MARCHF1: variants seen among roughly 807,000 people sequenced by gnomAD.
The protein encoded by MARCHF1 is E3 ubiquitin-protein ligase MARCHF1.
MARCHF1 carries 40 observed loss-of-function variants against 54.2 expected under a neutral mutation model. The observed-to-expected ratio is 0.74, with a 90% CI of 0.57 to 0.96. The LOEUF is 0.96. Among genes scored for constraint, MARCHF1 ranks in the 40% least tolerant of loss-of-function variants. MARCHF1 has a pLI of 0.00. For synonymous variants in MARCHF1, 236 were observed against 236.3 expected (o/e 1.00, Z 0.01); for missense variants, 586 against 656.5 (o/e 0.89, Z 1.17).
At chr4:163,581,688 G>A (rs992872307) in intron 8 of MARCHF1, among the ~76,000 whole-genome samples, 2 of 152,148 alleles carry the variant, frequency 1.3e-5, no homozygotes, top group Non-Finnish European at 2.9e-5. Flanking sequence ...CTAAAAATAG[G>A]CATGTCAACT....
At chr4:163,898,983 A>T (rs1041555889) in intron 3 of MARCHF1, among the ~76,000 whole-genome samples, 5 of 152,210 alleles carry the variant, frequency 3.3e-5, no homozygotes, top group African/African-American at 1.2e-4. Context: ...GTAGCTAAAC[A>T]ATGTGTCCAC....
intron 5 of MARCHF1, among the ~76,000 whole-genome samples, chr4:163,618,760 T>G (rs1230393500): frequency 6.6e-6 from 1 of 152,136 alleles, no homozygotes; most frequent in African/African-American, 2.4e-5. Flanking sequence ...TATGATATAC[T>G]CTGGAAATAA....
intron 1 of MARCHF1, among the ~76,000 whole-genome samples, chr4:164,300,830 C>G (rs553385847): frequency 4.9e-4 from 75 of 152,254 alleles, no homozygotes; most frequent in Admixed American, 1.0e-3. Flanking sequence ...GCAACAAGTA[C>G]GTCAATGCAC....
At chr4:163,766,430 T>A (rs1579269121) in intron 4 of MARCHF1, among the ~76,000 whole-genome samples, 1 of 152,144 alleles carries the variant, frequency 6.6e-6, no homozygotes, top group Non-Finnish European at 1.5e-5. Flanking sequence ...GCACATAATA[T>A]TAAAAATAAA....
At chr4:163,633,667 ACT>A (rs1314251133) in intron 5 of MARCHF1, among the ~76,000 whole-genome samples, 5 of 152,332 alleles carry the variant, frequency 3.3e-5, no homozygotes, top group Non-Finnish European at 7.3e-5. Context: ...GTTGGAAAAC[ACT>A]CTGCAGGATA....
At chr4:164,117,500 A>T (rs1755962353) in intron 1 of MARCHF1, among the ~76,000 whole-genome samples, 1 of 152,046 alleles carries the variant, frequency 6.6e-6, no homozygotes, top group African/African-American at 2.4e-5. Flanking sequence ...CAATGAATAA[A>T]GATCAATAAG....
intron 1 of MARCHF1, chr4:164,197,264 C>T (rs763695641): frequency 5.6e-6 from 9 of 1,611,148 alleles, no homozygotes; most frequent in Non-Finnish European, 6.8e-6. Context: ...TAAGGGGCCT[C>T]CTTGTGGTCC....
At chr4:164,331,529 G>A (rs977141037) in intron 1 of MARCHF1, among the ~76,000 whole-genome samples, 2 of 152,082 alleles carry the variant, frequency 1.3e-5, no homozygotes, top group African/African-American at 4.8e-5. Flanking sequence ...TACATTTTGG[G>A]TAATAATATA....
chr4:164,162,133 G>C lies in MARCHF1; in HGVS notation c.-322-50471C>G, dbSNP rs774518593. On this transcript the variant is annotated intron_variant, in intron 1 of 9. Coordinates refer to ENST00000514618, the MANE Select transcript of MARCHF1 (RefSeq NM_001394959.1). ...ACAGCATATAAAAGAAACATGTTTTGTATGTTTAAAGACACAAAATAAGCA... is the reference window on the plus strand; with the variant it reads ...ACAGCATATAAAAGAAACATGTTTTCTATGTTTAAAGACACAAAATAAGCA... Among the ~76,000 whole-genome samples, 29 of 152,186 alleles carry C rather than the reference G, an allele frequency of 1.9e-4. No homozygotes were observed. The Middle Eastern group carries it at 0.014, about 71-fold the overall frequency.
In MARCHF1 at chr4:163,825,819, G is replaced by A. The variant is rs375202271; in HGVS notation, c.111+28202C>T. ...ACTCATTTTGGAATTTCAGTGAAATGGTAAGATAAATCAGCTACTAGCAAT... is the reference window on the plus strand; with the variant it reads ...ACTCATTTTGGAATTTCAGTGAAATAGTAAGATAAATCAGCTACTAGCAAT... On this transcript the variant is annotated intron_variant, in intron 4 of 9. Transcript: ENST00000514618. Among the ~76,000 whole-genome samples, 18 of 151,706 alleles carry A rather than the reference G, an allele frequency of 1.2e-4. No individual in the cohort carries two copies. The East Asian group carries it at 2.3e-3, about 20-fold the overall frequency.
chr4:164,316,948 A>C (rs1375113598), intron 1 of MARCHF1, among the ~76,000 whole-genome samples: 4 of 152,312 alleles, frequency 2.6e-5, no homozygotes, highest in African/African-American at 9.6e-5. Flanking sequence ...CCCCAGAAGC[A>C]GATGCCTGTA....
At chr4:163,720,841 G>A (rs141037715) in intron 4 of MARCHF1, among the ~76,000 whole-genome samples, 3 of 152,096 alleles carry the variant, frequency 2.0e-5, no homozygotes, top group African/African-American at 7.2e-5. Flanking sequence ...TCTGTTATTG[G>A]TGTATAAGAA....
In MARCHF1 at chr4:163,870,268, T is replaced by C. The variant is rs187397759; in HGVS notation, c.-38-16099A>G. 4.8e-3 allele frequency among the ~76,000 whole-genome samples: 738 copies of C among 152,246 alleles called. 3 individuals are homozygous for C. Among genetic ancestry groups the C allele is most frequent in the Admixed American group, 6.9e-3 (106 of 15,284 alleles). On this transcript the variant is annotated intron_variant, in intron 3 of 9. Transcript: ENST00000514618. ...ATTTAAAGTGTCTAATTGCTCTAAA[T>C]TACTCTCATTAAGATGTGTCTGAAA...
rs561574023 is a variant in MARCHF1 at position 163,528,516 on chromosome 4, G to T, written c.*232C>A. 7 of 471,616 alleles carry T rather than the reference G, an allele frequency of 1.5e-5. No homozygotes were observed. Among genetic ancestry groups the T allele is most frequent in the Non-Finnish European group, 2.6e-5 (7 of 266,004 alleles). The allele number at this position is 471,616 out of a possible 1,614,324, so 29.2% of individuals were successfully genotyped here. On this transcript the variant is annotated 3_prime_UTR_variant, in exon 10 of 10. Coordinates refer to ENST00000514618, the MANE Select transcript of MARCHF1 (RefSeq NM_001394959.1). ...TAATTGTCTTGGAAATCATTCTCTT[G>T]CAAACTTCACATTTCCATATCATAC... is the stretch of plus-strand genomic sequence containing the variant.
intron 1 of MARCHF1, among the ~76,000 whole-genome samples, chr4:164,141,227 G>T (rs1281683583): frequency 6.6e-6 from 1 of 152,152 alleles, no homozygotes; most frequent in Non-Finnish European, 1.5e-5. Context: ...TACTTTCTAA[G>T]GATGGGGGCT....
intron 5 of MARCHF1, among the ~76,000 whole-genome samples, chr4:163,665,788 C>G (rs1384769962): frequency 6.6e-6 from 1 of 152,082 alleles, no homozygotes; most frequent in African/African-American, 2.4e-5. Context: ...AAGATACTTC[C>G]CATTTTATTA....
In MARCHF1 at chr4:163,590,300, C is replaced by T. The variant is rs144705117; in HGVS notation, c.1011-4371G>A. 1.5e-3 allele frequency among the ~76,000 whole-genome samples: 229 copies of T among 150,326 alleles called. 1 individual carries two copies. The Middle Eastern group carries it at 0.021, about 14-fold the overall frequency. ...TTGTGAGGGCCATAGTGTTATGCAA[C>T]GCTGGAAATTATTAAACTCTTTCAC... On this transcript the variant is annotated intron_variant, in intron 7 of 9. Transcript: ENST00000514618.
intron 1 of MARCHF1, among the ~76,000 whole-genome samples, chr4:164,194,356 G>C (rs1731197563): frequency 6.6e-6 from 1 of 152,132 alleles, no homozygotes; most frequent in Admixed American, 6.5e-5. Context: ...CTGCAGGTGG[G>C]AAAGGCATGA....
intron 3 of MARCHF1, among the ~76,000 whole-genome samples, chr4:163,880,554 A>G (rs907886939): frequency 2.0e-5 from 3 of 151,608 alleles, no homozygotes; most frequent in African/African-American, 7.3e-5. Flanking sequence ...CTACATAAAA[A>G]TTATGCAATA....
Sources: gnomAD v4.1 joint callset for allele counts (sites outside exome capture counted in the v4.1 genomes callset) on GRCh38, gnomAD v4.1.1 for gene constraint, MANE v1.5 for transcripts, NCBI Gene and HGNC (gene_info 2026-07-23, HGNC 2026-07-21) for gene names.